HAUS1: variants seen among roughly 807,000 people sequenced by gnomAD.
HAUS1 encodes HAUS augmin-like complex subunit 1.
A neutral mutation model predicts 38.6 loss-of-function variants in HAUS1; 25 were observed. That is an observed-to-expected ratio of 0.65 (90% confidence interval 0.47 to 0.91). The LOEUF (loss-of-function observed/expected upper bound fraction) is 0.91. Among genes scored for constraint, HAUS1 ranks in the 40% least tolerant of loss-of-function variants. The pLI is 0.00. For synonymous variants in HAUS1, 109 were observed against 112.9 expected (o/e 0.97, Z 0.22); for missense variants, 325 against 328.4 (o/e 0.99, Z 0.08).
At chr18:46,120,157 A>T (rs1003829817) in intron 4 of HAUS1, 97 bp downstream of exon 4, 1 of 781,280 alleles carries the variant, frequency 1.3e-6, no homozygotes, top group Middle Eastern at 2.4e-4. Flanking sequence ...TTTTAAAAAC[A>T]TTAGGAAATG....
intron 4 of HAUS1, among the ~76,000 whole-genome samples, chr18:46,122,119 G>A (rs1911958473): frequency 1.3e-5 from 2 of 152,150 alleles, no homozygotes; most frequent in African/African-American, 4.8e-5. Flanking sequence ...TGGGATTATA[G>A]GTGTAAGCCA....
chr18:46,120,089 A>G (rs777008396), intron 4 of HAUS1, 29 bp downstream of exon 4: 4 of 1,505,062 alleles, frequency 2.7e-6, no homozygotes, highest in East Asian at 4.6e-5. Flanking sequence ...AGTGGTGACA[A>G]TTTATAAATA....
chr18:46,116,957 G>A (rs919063911), intron 2 of HAUS1, among the ~76,000 whole-genome samples: 1 of 152,156 alleles, frequency 6.6e-6, no homozygotes, highest in African/African-American at 2.4e-5. Context: ...GGATGACAGA[G>A]TGAGACCCTG....
chr18:46,111,938 C>T lies in HAUS1; in HGVS notation c.206-6243C>T, dbSNP rs199892682. ...TCTTGCCCTGTTGCCCAGGCTGGAG[C>T]GCAATGGCACGATCTCAGCTCACTG... On this transcript the variant is annotated intron_variant, in intron 2 of 8. Coordinates refer to ENST00000282058, the MANE Select transcript of HAUS1 (RefSeq NM_138443.4). Among the ~76,000 whole-genome samples, 13 of 146,324 alleles carry T rather than the reference C, an allele frequency of 8.9e-5. No individual in the cohort carries two copies. In the East Asian group the frequency reaches 2.4e-3, roughly 27 times the overall value.
Position 46,125,783 on chromosome 18 carries a change from C to A in HAUS1, c.778C>A (p.Arg260=). Reference sequence around the variant, plus strand: ...TCAAGTGAAAATTGAAGAAGCAAAGCGAGAACTAGTAAGTAGTTCCTGTAA... The same window carrying A: ...TCAAGTGAAAATTGAAGAAGCAAAGAGAGAACTAGTAAGTAGTTCCTGTAA... ...LAQVKIEEAK[R]ELDSIEAELT... The change falls in exon 8 of 9, where the codon CGA becomes AGA. Residue 260 remains arginine (R), a synonymous_variant. Coordinates refer to ENST00000282058, the MANE Select transcript of HAUS1 (RefSeq NM_138443.4). 3 of 1,594,820 alleles carry A rather than the reference C, an allele frequency of 1.9e-6. No individual in the cohort carries two copies. Among genetic ancestry groups the A allele is most frequent in the South Asian group, 1.1e-5 (1 of 89,240 alleles).
At chr18:46,125,658 C>T (rs1346829790) in intron 7 of HAUS1, 86 bp from the exon 8 acceptor site, 10 of 910,594 alleles carry the variant, frequency 1.1e-5, no homozygotes, top group Non-Finnish European at 1.5e-5. Flanking sequence ...GGATTTTTGC[C>T]TTTTGAAAAG....
At position 46,105,351 on chromosome 18, in the gene HAUS1, G is replaced by A; in HGVS notation, c.188G>A (p.Ser63Asn). The A allele has an allele frequency of 6.2e-7, 1 of 1,612,538 alleles. No individual in the cohort carries two copies. The highest frequency in any genetic ancestry group is 8.5e-7 in the Non-Finnish European group (1 of 1,179,266). ...ATAGAGGACTTGAAGCAGAAAGCAAGTGAATACGAGTCAGAAGGTGAGATT... is the reference window on the plus strand; with the variant it reads ...ATAGAGGACTTGAAGCAGAAAGCAAATGAATACGAGTCAGAAGGTGAGATT... ...LVIEDLKQKASEYESEAKYLQ... is the reference protein window; with the variant it reads ...LVIEDLKQKANEYESEAKYLQ... The change falls in exon 2 of 9, where the codon AGT becomes AAT. Residue 63 changes from serine (S) to asparagine (N), a missense_variant. By Grantham distance (46) the Ser-to-Asn change is conservative. Coordinates refer to ENST00000282058, the MANE Select transcript of HAUS1 (RefSeq NM_138443.4).
chr18:46,105,138 A>G, intron 1 of HAUS1, 56 bp from the exon 2 acceptor site: 1 of 1,318,506 alleles, frequency 7.6e-7, no homozygotes, highest in Admixed American at 2.1e-5. Context: ...TCATATTCTC[A>G]TCGAGCCATT....
rs1912003070 is a variant in HAUS1 at position 46,123,316 on chromosome 18, A to T, written c.618A>T (p.Arg206Ser). 6 of 1,611,596 alleles carry T rather than the reference A, an allele frequency of 3.7e-6. No individual in the cohort carries two copies. The highest frequency in any genetic ancestry group is 5.1e-6 in the Non-Finnish European group (6 of 1,178,526). ...IKAAEEQLSA[R>S]GMDASLSHQS... ...AATTGTAGGAGCAACTTTCAGCCAG[A>T]GGCATGGATGCTTCTCTGTCTCATC... is the stretch of plus-strand genomic sequence containing the variant. The change falls in exon 6 of 9, where the codon AGA becomes AGT. Residue 206 changes from arginine (R) to serine (S), a missense_variant. Arg to Ser is a moderately radical substitution (Grantham distance 110). Coordinates refer to ENST00000282058, the MANE Select transcript of HAUS1 (RefSeq NM_138443.4).
In HAUS1 at chr18:46,112,986, A is replaced by AATATATATATTCCATATATATGGAAT. The variant is rs59054651; in HGVS notation, c.206-5187_206-5186insATTCCATATATATGGAATATATATAT. Among the ~76,000 whole-genome samples, 41 of 84,406 alleles carry AATATATATATTCCATATATATGGAAT rather than the reference A, an allele frequency of 4.9e-4. 1 individual carries two copies. The highest frequency in any genetic ancestry group is 1.9e-3 in the African/African-American group (39 of 20,354). The allele number at this position is 84,406 out of a possible 152,430, so 55.4% of individuals were successfully genotyped here. ...TGTATATATTCCATATTATATATAT[A>AATATATATATTCCATATATATGGAAT]ATATATATTCCATATATATGGAATA... On this transcript the variant is annotated intron_variant, in intron 2 of 8. Transcript: ENST00000282058.
intron 2 of HAUS1, among the ~76,000 whole-genome samples, chr18:46,112,099 C>T (rs1017293598): frequency 8.6e-5 from 13 of 150,460 alleles, no homozygotes; most frequent in Admixed American, 6.0e-4. Context: ...GTTGGCCAGG[C>T]TGGTCTCGAT....
rs142329495 is a variant in HAUS1, at chr18:46,118,936, C to T, written c.341+620C>T. ...AGGCTGGAGTGCAGTGGCGTGATCT[C>T]GGCTCCCTACAACCTCCGCCTCCCG... On this transcript the variant is annotated intron_variant, in intron 3 of 8. Transcript: ENST00000282058. 7.4e-3 allele frequency among the ~76,000 whole-genome samples: 1,122 copies of T among 152,200 alleles called. 6 individuals carry two copies. Among genetic ancestry groups the T allele is most frequent in the Non-Finnish European group, 0.013 (907 of 68,002 alleles).
At position 46,124,416 on chromosome 18, in the gene HAUS1, C is replaced by CAAA. The variant is rs34364685; in HGVS notation, c.667-388_667-386dup. Among the ~76,000 whole-genome samples the CAAA allele has an allele frequency of 5.0e-4, 44 of 87,606 alleles. 1 individual carries two copies. Among genetic ancestry groups the CAAA allele is most frequent in the East Asian group, 1.9e-3 (6 of 3,170 alleles). The allele number at this position is 87,606 out of a possible 152,430, so 57.5% of individuals were successfully genotyped here. The stretch of plus-strand genomic sequence containing the variant: ...TGGGTGACAGAGCAAGACTCTATCT[C>CAAA]AAAAAAAAAAAAAAAAAAAATTAGC... On this transcript the variant is annotated intron_variant, in intron 6 of 8. Transcript: ENST00000282058.
intron 2 of HAUS1, among the ~76,000 whole-genome samples, chr18:46,116,525 T>A (rs1314413052): frequency 6.6e-6 from 1 of 151,736 alleles, no homozygotes; most frequent in African/African-American, 2.4e-5. Flanking sequence ...TGTACCATTG[T>A]ACTCCAGCCT....
intron 2 of HAUS1, among the ~76,000 whole-genome samples, chr18:46,111,394 G>A (rs573034744): frequency 3.5e-4 from 53 of 151,988 alleles, no homozygotes; most frequent in African/African-American, 1.2e-3. Context: ...GCTTGATCTC[G>A]GCTCACTGCC....
chr18:46,119,801 G>A (rs767551679), intron 3 of HAUS1, 125 bp from the exon 4 acceptor site: 27 of 753,160 alleles, frequency 3.6e-5, no homozygotes, highest in Non-Finnish European at 5.3e-5. Context: ...GTAAAAAAAG[G>A]CATAAAGGTA....
At chr18:46,118,070 A>C in intron 2 of HAUS1, 111 bp from the exon 3 acceptor site, 4 of 987,740 alleles carry the variant, frequency 4.0e-6, no homozygotes, top group Non-Finnish European at 6.2e-6. Context: ...ACTGAATTAC[A>C]TACATACCTT....
chr18:46,112,900 T>A, intron 2 of HAUS1, among the ~76,000 whole-genome samples: 1 of 112,000 alleles, frequency 8.9e-6, no homozygotes, highest in Non-Finnish European at 1.6e-5. Context: ...ATATTCCATA[T>A]TATATATATA....
At chr18:46,122,316 A>C in intron 4 of HAUS1, 151 bp from the exon 5 acceptor site, 2 of 681,942 alleles carry the variant, frequency 2.9e-6, no homozygotes, top group Non-Finnish European at 2.5e-6. Flanking sequence ...AAAAAAAAAA[A>C]AAACCCAGAG....
Sources: gnomAD v4.1 joint callset for allele counts (sites outside exome capture counted in the v4.1 genomes callset) on GRCh38, gnomAD v4.1.1 for gene constraint, MANE v1.5 for transcripts, NCBI Gene and HGNC (gene_info 2026-07-23, HGNC 2026-07-21) for gene names.